Variants in SLC39A11 observed in about 807,000 individuals in gnomAD.
SLC39A11 encodes zinc transporter ZIP11.
A neutral mutation model predicts 36.1 loss-of-function variants in SLC39A11; 33 were observed. The ratio of observed to expected loss-of-function variants is 0.91; its 90% confidence interval spans 0.69 to 1.22. The LOEUF (loss-of-function observed/expected upper bound fraction) is 1.22. Ranked by LOEUF, SLC39A11 falls within the 50% of genes most tolerant of loss-of-function variation. The pLI, the probability that SLC39A11 is intolerant of heterozygous loss-of-function variation, is 0.00. For missense variants in SLC39A11, 432 were observed against 430.3 expected (o/e 1.00, Z -0.03); for synonymous variants, 166 against 170.3 (o/e 0.97, Z 0.20).
intron 4 of SLC39A11, among the ~76,000 whole-genome samples, chr17:72,997,711 T>C (rs1264166292): frequency 6.6e-6 from 1 of 152,250 alleles, no homozygotes; most frequent in Non-Finnish European, 1.5e-5. Flanking sequence ...AATCTCACTC[T>C]GTCCTGCGCA....
chr17:72,801,720 T>C (rs926169049), intron 6 of SLC39A11, among the ~76,000 whole-genome samples: 5 of 152,192 alleles, frequency 3.3e-5, no homozygotes, highest in Admixed American at 6.5e-5. Context: ...ACTATGTATA[T>C]CTATGAGTAA....
chr17:72,659,291 C>T (rs985398125), intron 7 of SLC39A11, among the ~76,000 whole-genome samples: 1 of 152,120 alleles, frequency 6.6e-6, no homozygotes, highest in South Asian at 2.1e-4. Flanking sequence ...GCATTAGGGG[C>T]GAGGATGATT....
intron 1 of SLC39A11, among the ~76,000 whole-genome samples, chr17:73,091,626 A>C (rs564804179): frequency 6.6e-6 from 1 of 152,302 alleles, no homozygotes; most frequent in Non-Finnish European, 1.5e-5. Context: ...TCCCAAGAGA[A>C]CAAGAAGTTT....
intron 7 of SLC39A11, among the ~76,000 whole-genome samples, chr17:72,690,583 C>T (rs764856014): frequency 3.3e-5 from 5 of 152,198 alleles, no homozygotes; most frequent in African/African-American, 4.8e-5. Flanking sequence ...ATGAATGGAT[C>T]GACACAATGA....
intron 6 of SLC39A11, among the ~76,000 whole-genome samples, chr17:72,795,426 G>C (rs530807805): frequency 6.6e-6 from 1 of 152,234 alleles, no homozygotes; most frequent in East Asian, 1.9e-4. Context: ...ACATGACAGA[G>C]AAAGAGAGAG....
chr17:73,040,281 T>C (rs2059064034), intron 3 of SLC39A11, among the ~76,000 whole-genome samples: 1 of 152,224 alleles, frequency 6.6e-6, no homozygotes, highest in African/African-American at 2.4e-5. Flanking sequence ...TAAGTCACAC[T>C]AGAATCCCCT....
intron 3 of SLC39A11, among the ~76,000 whole-genome samples, chr17:73,039,561 T>A (rs1031264088): frequency 6.6e-6 from 1 of 152,202 alleles, no homozygotes; most frequent in Non-Finnish European, 1.5e-5. Flanking sequence ...TCAACACCCA[T>A]TTTTTGGTCT....
intron 4 of SLC39A11, among the ~76,000 whole-genome samples, chr17:72,968,452 A>G (rs1242497339): frequency 6.6e-6 from 1 of 152,202 alleles, no homozygotes; most frequent in Non-Finnish European, 1.5e-5. Context: ...CAGGTCATGC[A>G]TAAGGTCACA....
Position 72,947,692 on chromosome 17 carries a change from T to C in SLC39A11, c.430+60A>G, listed in dbSNP as rs546459878. On this transcript the variant is annotated intron_variant, in intron 5 of 9. Coordinates refer to ENST00000255559, the MANE Select transcript of SLC39A11 (RefSeq NM_139177.4). Reference sequence around the variant, plus strand: ...CCTACCACCAGCCCCCACGTCCATATTGCCTGACTCAGCTCAGTGTCTGCA... The same window carrying C: ...CCTACCACCAGCCCCCACGTCCATACTGCCTGACTCAGCTCAGTGTCTGCA... The C allele has an allele frequency of 1.8e-5, 29 of 1,611,022 alleles. No individual in the cohort carries two copies. The East Asian group carries it at 4.0e-4, about 22-fold the overall frequency.
chr17:72,743,550 T>C (rs960019264), intron 6 of SLC39A11, among the ~76,000 whole-genome samples: 7 of 152,074 alleles, frequency 4.6e-5, no homozygotes, highest in African/African-American at 1.7e-4. Flanking sequence ...ACTTTCCCCC[T>C]GGATTTAGAA....
At chr17:72,879,868 C>A (rs141309732) in intron 5 of SLC39A11, among the ~76,000 whole-genome samples, 69 of 152,350 alleles carry the variant, frequency 4.5e-4, no homozygotes, top group African/African-American at 1.6e-3. Flanking sequence ...CGCCAAGGAA[C>A]CGACTCAGCA....
intron 4 of SLC39A11, among the ~76,000 whole-genome samples, chr17:72,975,503 C>T (rs574671426): frequency 6.6e-6 from 1 of 152,310 alleles, no homozygotes; most frequent in East Asian, 1.9e-4. Flanking sequence ...TGCCTCACCC[C>T]TTCCGCCATG....
intron 6 of SLC39A11, among the ~76,000 whole-genome samples, chr17:72,772,319 C>T (rs925110363): frequency 6.6e-6 from 1 of 152,182 alleles, no homozygotes; most frequent in Non-Finnish European, 1.5e-5. Flanking sequence ...CTGTCCAGCC[C>T]ACCAGTGACT....
chr17:72,933,404 A>G (rs949281484), intron 5 of SLC39A11, among the ~76,000 whole-genome samples: 1 of 152,224 alleles, frequency 6.6e-6, no homozygotes, highest in Non-Finnish European at 1.5e-5. Context: ...TGATAAAGGA[A>G]ATCAAAGACT....
chr17:73,090,163 T>C (rs2060878443), intron 1 of SLC39A11, among the ~76,000 whole-genome samples: 1 of 152,148 alleles, frequency 6.6e-6, no homozygotes, highest in Non-Finnish European at 1.5e-5. Context: ...GCTGCCTCGA[T>C]TGACCCTGGA....
intron 7 of SLC39A11, among the ~76,000 whole-genome samples, chr17:72,670,919 C>T (rs554687816): frequency 3.7e-4 from 57 of 152,314 alleles, no homozygotes; most frequent in African/African-American, 1.3e-3. Flanking sequence ...GCTCCAGAGG[C>T]GCTCACTGTT....
At chr17:72,931,310 G>C (rs1300724210) in intron 5 of SLC39A11, among the ~76,000 whole-genome samples, 3 of 152,208 alleles carry the variant, frequency 2.0e-5, no homozygotes, top group Non-Finnish European at 4.4e-5. Flanking sequence ...GTGGACTGCA[G>C]AAGCGAGAGG....
chr17:73,068,139 T>C (rs1174557205), intron 3 of SLC39A11: 1 of 1,332,900 alleles, frequency 7.5e-7, no homozygotes, highest in African/African-American at 1.5e-5. Context: ...TTTTTCTTGG[T>C]GTCGCCAGCA....
chr17:72,874,524 G>T (rs942113849), intron 5 of SLC39A11, among the ~76,000 whole-genome samples: 1 of 152,206 alleles, frequency 6.6e-6, no homozygotes, highest in Non-Finnish European at 1.5e-5. Context: ...AAACCCCGCT[G>T]CTGGTAATTC....
Sources: allele counts gnomAD v4.1 joint callset (sites outside exome capture counted in the v4.1 genomes callset), GRCh38; gene constraint gnomAD v4.1.1; transcripts MANE v1.5; gene names NCBI Gene and HGNC (gene_info 2026-07-23, HGNC 2026-07-21).